The following SYTL2 variants were observed in gnomAD, a reference collection of about 807,000 sequenced individuals.
The protein encoded by SYTL2 is synaptotagmin like 2, also known as synaptotagmin-like protein 2.
In SYTL2, 165 loss-of-function variants were observed where a neutral mutation model predicts 198.7. That is an observed-to-expected ratio of 0.83 (90% CI 0.73 to 0.94). The LOEUF is 0.94. SYTL2 is among the 40% of genes least tolerant of loss of function. SYTL2 has a pLI of 0.00. For synonymous variants in SYTL2, 966 were observed against 917.7 expected (o/e 1.05, Z -0.95); for missense variants, 2,835 against 2,582.8 (o/e 1.10, Z -2.12).
intron 1 of SYTL2, among the ~76,000 whole-genome samples, chr11:85,779,682 C>T (rs1339842004): frequency 2.0e-5 from 3 of 150,334 alleles, no homozygotes; most frequent in African/African-American, 4.9e-5. Context: ...AAAGGTCACA[C>T]TATCATGGAA....
chr11:85,846,492 A>C, the SYTL2 span, among the ~76,000 whole-genome samples: 1 of 152,148 alleles, frequency 6.6e-6, no homozygotes, highest in Non-Finnish European at 1.5e-5. Context: ...ACAATGGTGC[A>C]AATTCAGCTC....
Position 85,695,016 on chromosome 11 carries a change from T to C in SYTL2, c.*179A>G. 1 of 470,586 alleles carries C rather than the reference T, an allele frequency of 2.1e-6. No individual in the cohort carries two copies. Among genetic ancestry groups the C allele is most frequent in the South Asian group, 5.9e-5 (1 of 16,858 alleles). 29.2% of individuals were successfully genotyped at this position (470,586 alleles called of 1,614,324 possible). ...GTCACAAATTACACATTTTGTTATA[T>C]TTAAATCCCTTGGGCCTTGTAATCA... On this transcript the variant is annotated 3_prime_UTR_variant, in exon 20 of 20. Transcript: ENST00000359152.
At chr11:85,712,048 C>T (rs1183162067) in intron 12 of SYTL2, among the ~76,000 whole-genome samples, 2 of 152,034 alleles carry the variant, frequency 1.3e-5, no homozygotes, top group Admixed American at 6.6e-5. Flanking sequence ...AGAGTGAGCT[C>T]CTTTTAGGGT....
Position 85,726,575 on chromosome 11 carries a change from A to G in SYTL2, c.2783T>C (p.Leu928Ser). The G allele has an allele frequency of 6.3e-7, 1 of 1,583,146 alleles. No homozygotes were observed. Among genetic ancestry groups the G allele is most frequent in the East Asian group, 2.3e-5 (1 of 44,418 alleles). The change falls in exon 8 of 20, where the codon TTA becomes TCA. Residue 928 changes from leucine (L) to serine (S), a missense_variant. Around this residue, in one of 3 missense-constraint regions of SYTL2, gnomAD observed 2,645 missense variants for 2,381.7 expected, o/e 1.11. Transcript: ENST00000359152. ...DSLPSRRNITLPALQPPSNVG... is the reference protein window; with the variant it reads ...DSLPSRRNITSPALQPPSNVG... Reference sequence around the variant, plus strand: ...ATTTGAGGGAGGTTGCAGTGCTGGTAAAGTAATGTTTCTTCTAGAAGGCAA... The same window carrying G: ...ATTTGAGGGAGGTTGCAGTGCTGGTGAAGTAATGTTTCTTCTAGAAGGCAA...
chr11:85,849,768 G>A, the SYTL2 span, among the ~76,000 whole-genome samples: 1,976 of 145,586 alleles, frequency 0.014, 38 homozygotes, highest in African/African-American at 0.046. Flanking sequence ...TTGGCGATGC[G>A]GGCTCTTTTT....
intron 1 of SYTL2, among the ~76,000 whole-genome samples, chr11:85,788,249 G>A (rs914356153): frequency 2.6e-5 from 4 of 152,068 alleles, no homozygotes; most frequent in African/African-American, 4.8e-5. Flanking sequence ...TACTGAGAGA[G>A]GTGACATTTT....
chr11:85,820,220 G>T, the SYTL2 span, among the ~76,000 whole-genome samples: 1 of 152,190 alleles, frequency 6.6e-6, no homozygotes, highest in African/African-American at 2.4e-5. Context: ...ACTTGTTGCA[G>T]ATATTGTAAA....
chr11:85,850,920 G>T, the SYTL2 span, among the ~76,000 whole-genome samples: 2 of 147,462 alleles, frequency 1.4e-5, no homozygotes, highest in African/African-American at 2.5e-5. Context: ...GTAAACTATC[G>T]CAAGAACAAA....
At chr11:85,782,638 C>A (rs1351564488) in intron 1 of SYTL2, among the ~76,000 whole-genome samples, 1 of 152,166 alleles carries the variant, frequency 6.6e-6, no homozygotes, top group Non-Finnish European at 1.5e-5. Context: ...TTTGTGAATA[C>A]ATAAAACTGA....
chr11:85,826,020 C>T, the SYTL2 span, among the ~76,000 whole-genome samples: 1 of 152,142 alleles, frequency 6.6e-6, no homozygotes, highest in South Asian at 2.1e-4. Context: ...TCTTAAGAAA[C>T]TAATTCCAGA....
chr11:85,769,850 G>T (rs990221503), intron 1 of SYTL2, among the ~76,000 whole-genome samples: 1 of 152,120 alleles, frequency 6.6e-6, no homozygotes, highest in Non-Finnish European at 1.5e-5. Flanking sequence ...AACCGCACAG[G>T]CCCGTGGTGG....
At position 85,708,459 on chromosome 11, in the gene SYTL2, C is replaced by T. The variant is rs2085608561; in HGVS notation, c.5915+872G>A. On this transcript the variant is annotated intron_variant, in intron 14 of 19. Coordinates refer to ENST00000359152, the MANE Select transcript of SYTL2 (RefSeq NM_206927.4). Reference sequence around the variant, plus strand: ...ATAGGGATAAGTAGGGAATACCATTCAGCGTTTGCAAAAAAAGAAAAAAAA... The same window carrying T: ...ATAGGGATAAGTAGGGAATACCATTTAGCGTTTGCAAAAAAAGAAAAAAAA... Among the ~76,000 whole-genome samples, 4 of 152,034 alleles carry T rather than the reference C, an allele frequency of 2.6e-5. No individual in the cohort carries two copies. The South Asian group carries it at 8.3e-4, about 31-fold the overall frequency.
the SYTL2 span, among the ~76,000 whole-genome samples, chr11:85,833,011 A>AAAAG: frequency 3.7e-4 from 18 of 48,172 alleles, no homozygotes; most frequent in East Asian, 8.3e-4. Flanking sequence ...AAAAAGAAAG[A>AAAAG]AAAGAAAGAA....
At chr11:85,743,926 C>A (rs2090974619) in intron 4 of SYTL2, among the ~76,000 whole-genome samples, 1 of 152,026 alleles carries the variant, frequency 6.6e-6, no homozygotes, top group South Asian at 2.1e-4. Flanking sequence ...CTAGTGCTCC[C>A]CAGTCCCCAT....
the SYTL2 span, among the ~76,000 whole-genome samples, chr11:85,840,594 C>G: frequency 1.3e-5 from 2 of 152,164 alleles, no homozygotes; most frequent in African/African-American, 2.4e-5. Flanking sequence ...AATACCTGTT[C>G]TGTAACAAAG....
rs1376977214 is a variant in SYTL2 at position 85,704,932 on chromosome 11, C to T, written c.6115G>A (p.Glu2039Lys). The change falls in exon 16 of 20, where the codon GAA (glutamate) becomes AAA (lysine). Residue 2039 changes from glutamate to lysine, a missense_variant. By Grantham distance (56) the Glu-to-Lys change is moderately conservative (BLOSUM62 1). Around this residue, in one of 3 missense-constraint regions of SYTL2, gnomAD observed 2,645 missense variants for 2,381.7 expected, o/e 1.11. Transcript: ENST00000359152. ...CAGTCCCATGTTTCCAAATCAAGTT[C>T]CACCTCCCCTAGGAAACTATTGCGC... ...FKRNSFLGEV[E>K]LDLETWDWDN... 2.0e-5 allele frequency: 32 copies of T among 1,613,586 alleles called. No homozygotes were observed. The highest frequency in any genetic ancestry group is 2.6e-5 in the Non-Finnish European group (31 of 1,179,714).
chr11:85,757,118 C>T (rs1180786604), intron 2 of SYTL2, among the ~76,000 whole-genome samples: 1 of 152,186 alleles, frequency 6.6e-6, no homozygotes, highest in African/African-American at 2.4e-5. Flanking sequence ...TTATGGGACC[C>T]AAGACAAATG....
intron 1 of SYTL2, among the ~76,000 whole-genome samples, chr11:85,762,218 G>A (rs935304079): frequency 1.3e-5 from 2 of 152,152 alleles, no homozygotes; most frequent in Non-Finnish European, 2.9e-5. Flanking sequence ...CAGTCAGAAC[G>A]GGGGCAACCT....
chr11:85,703,241 T>C (rs1001060022), intron 16 of SYTL2, among the ~76,000 whole-genome samples: 1 of 152,028 alleles, frequency 6.6e-6, no homozygotes, highest in Non-Finnish European at 1.5e-5. Flanking sequence ...TGCTGAGAAA[T>C]TTTCAAAGTG....
Sources: gnomAD v4.1 joint callset for allele counts (sites outside exome capture counted in the v4.1 genomes callset) on GRCh38, gnomAD v4.1.1 for gene constraint, gnomAD v4.1.1 regional missense constraint, MANE v1.5 for transcripts, NCBI Gene and HGNC (gene_info 2026-07-23, HGNC 2026-07-21) for gene names.